The following CNTN1 variants were observed in gnomAD, a reference collection of about 807,000 sequenced individuals.
CNTN1 encodes the protein contactin-1.
In CNTN1, 38 loss-of-function variants were observed where a neutral mutation model predicts 126.4. The observed-to-expected ratio is 0.30, with a 90% CI of 0.23 to 0.39. The LOEUF (loss-of-function observed/expected upper bound fraction) is 0.39, where lower values mean the gene tolerates loss of function less well. Among genes scored for constraint, CNTN1 ranks in the 10% least tolerant of loss-of-function variants. The pLI is 1.00. For missense variants in CNTN1, 1,009 were observed against 1,248.4 expected (o/e 0.81, Z 2.89); for synonymous variants, 413 against 422.6 (o/e 0.98, Z 0.28).
intron 1 of CNTN1, among the ~76,000 whole-genome samples, chr12:40,765,261 A>G (rs1939033995): frequency 6.6e-6 from 1 of 152,096 alleles, no homozygotes; most frequent in African/African-American, 2.4e-5. Flanking sequence ...CTGAGAGGAA[A>G]ACTCAGAAAG....
At chr12:40,845,161 C>T (rs1592150514) in intron 1 of CNTN1, among the ~76,000 whole-genome samples, 1 of 152,094 alleles carries the variant, frequency 6.6e-6, no homozygotes, top group South Asian at 2.1e-4. Flanking sequence ...GCTGAAAATG[C>T]TTCGGTTATA....
intron 1 of CNTN1, among the ~76,000 whole-genome samples, chr12:40,881,480 A>G (rs1400099011): frequency 1.3e-5 from 2 of 151,830 alleles, no homozygotes; most frequent in African/African-American, 4.8e-5. Context: ...AACTTTTGCA[A>G]GTTACAGCAC....
At chr12:41,047,257 T>G (rs1169783970) in intron 23 of CNTN1, among the ~76,000 whole-genome samples, 3 of 152,164 alleles carry the variant, frequency 2.0e-5, no homozygotes, top group Non-Finnish European at 4.4e-5. Flanking sequence ...GTGCCCATTT[T>G]CTGACATCTC....
intron 17 of CNTN1, among the ~76,000 whole-genome samples, chr12:41,006,824 A>G (rs541215892): frequency 6.6e-6 from 1 of 152,274 alleles, no homozygotes; most frequent in East Asian, 1.9e-4. Context: ...TCCTCTATAG[A>G]AACATGGACT....
chr12:40,723,579 C>G (rs1309876961), intron 1 of CNTN1, among the ~76,000 whole-genome samples: 1 of 152,158 alleles, frequency 6.6e-6, no homozygotes, highest in African/African-American at 2.4e-5. Flanking sequence ...TTATGAAACA[C>G]TTGATGTGTT....
intron 23 of CNTN1, among the ~76,000 whole-genome samples, chr12:41,044,479 C>T (rs552336648): frequency 3.9e-4 from 59 of 152,210 alleles, no homozygotes; most frequent in African/African-American, 1.4e-3. Context: ...GATTGGTTTA[C>T]ATCATTAATG....
At position 40,930,010 on chromosome 12, in the gene CNTN1, T is replaced by C; in HGVS notation, c.703+8T>C. 1 of 1,595,434 alleles carries C rather than the reference T, an allele frequency of 6.3e-7. No individual in the cohort carries two copies. The highest frequency in any genetic ancestry group is 8.6e-7 in the Non-Finnish European group (1 of 1,163,290). ...TCATTCCAATACCTGAACGTAAGTA[T>C]TTTATTTGTTACACTCTGTTTTCGC... On this transcript the variant is annotated splice_region_variant and intron_variant, in intron 7 of 23. Coordinates refer to ENST00000551295, the MANE Select transcript of CNTN1 (RefSeq NM_001843.4).
chr12:40,773,696 C>CAT (rs369635772), intron 1 of CNTN1, among the ~76,000 whole-genome samples: 555 of 19,680 alleles, frequency 0.028, 6 homozygotes, highest in African/African-American at 0.042. Flanking sequence ...TATATATACA[C>CAT]ATATATATAT....
In CNTN1 at chr12:40,854,460, G is replaced by A. The variant is rs186949183; in HGVS notation, c.-76-53897G>A. Reference sequence around the variant, plus strand: ...TCATATTTCTAGATTTAAAAGTTTGGTCATGGTTTTTTAAAGATGTGAATT... The same window carrying A: ...TCATATTTCTAGATTTAAAAGTTTGATCATGGTTTTTTAAAGATGTGAATT... On this transcript the variant is annotated intron_variant, in intron 1 of 23. Coordinates refer to ENST00000551295, the MANE Select transcript of CNTN1 (RefSeq NM_001843.4). Among the ~76,000 whole-genome samples the A allele has an allele frequency of 3.2e-3, 482 of 152,060 alleles. 3 individuals carry two copies. The highest frequency in any genetic ancestry group is 7.6e-3 in the African/African-American group (315 of 41,478).
intron 1 of CNTN1, among the ~76,000 whole-genome samples, chr12:40,870,426 G>A (rs1943446371): frequency 1.3e-5 from 2 of 152,016 alleles, no homozygotes; most frequent in Admixed American, 1.3e-4. Flanking sequence ...TATATGTATA[G>A]TTTAATTTGC....
intron 15 of CNTN1, chr12:40,972,807 G>C (rs966543835): frequency 4.6e-6 from 1 of 216,692 alleles, no homozygotes. Flanking sequence ...ATCGTATTAA[G>C]GGCATCTTTC....
chr12:40,809,135 G>A (rs1940961355), intron 1 of CNTN1, among the ~76,000 whole-genome samples: 1 of 152,070 alleles, frequency 6.6e-6, no homozygotes, highest in Non-Finnish European at 1.5e-5. Context: ...GTAACACTTT[G>A]TTCAGAAAGA....
intron 1 of CNTN1, among the ~76,000 whole-genome samples, chr12:40,847,920 A>G (rs181568660): frequency 6.6e-6 from 1 of 152,352 alleles, no homozygotes; most frequent in East Asian, 1.9e-4. Context: ...TAAGAAGCGC[A>G]CAATCTAGAT....
At chr12:41,053,426 TAA>T (rs1491225804) in intron 23 of CNTN1, among the ~76,000 whole-genome samples, 3 of 78,712 alleles carry the variant, frequency 3.8e-5, no homozygotes, top group African/African-American at 1.5e-4. Flanking sequence ...ATGTTTTCAC[TAA>T]ATATATATAT....
At position 40,933,863 on chromosome 12, in the gene CNTN1, A is replaced by G. The variant is rs1277877316; in HGVS notation, c.970A>G (p.Arg324Gly). 6.2e-7 allele frequency: 1 copy of G among 1,611,204 alleles called. No homozygotes were observed. Among genetic ancestry groups the G allele is most frequent in the Non-Finnish European group, 8.5e-7 (1 of 1,177,900 alleles). The stretch of plus-strand genomic sequence containing the variant: ...TAGAGGAAAGGATAAACATCAAGCA[A>G]GAATTTATGTTCAAGGTAGATACAT... Reference protein sequence around the residue: ...NIRGKDKHQARIYVQAFPEWV... With the variant: ...NIRGKDKHQAGIYVQAFPEWV... The change falls in exon 9 of 24, where the codon AGA becomes GGA. Residue 324 changes from arginine to glycine, a missense_variant. By Grantham distance (125) the Arg-to-Gly change is moderately radical. Transcript: ENST00000551295.
chr12:41,044,201 G>C (rs887310623), intron 23 of CNTN1, among the ~76,000 whole-genome samples: 3 of 151,568 alleles, frequency 2.0e-5, no homozygotes, highest in African/African-American at 7.3e-5. Context: ...AAAGAGTAAT[G>C]GAAATTTACA....
At chr12:40,909,714 C>T (rs1159085981) in intron 2 of CNTN1, among the ~76,000 whole-genome samples, 1 of 151,278 alleles carries the variant, frequency 6.6e-6, no homozygotes, top group Non-Finnish European at 1.5e-5. Flanking sequence ...CACACACCCA[C>T]ATACATAGAT....
intron 6 of CNTN1, among the ~76,000 whole-genome samples, chr12:40,926,171 G>GGATAGAT (rs1555182037): frequency 1.5e-5 from 2 of 137,512 alleles, no homozygotes; most frequent in Non-Finnish European, 3.1e-5. Flanking sequence ...TGCTAAATAA[G>GGATAGAT]GATAGATAGA....
At chr12:40,994,248 T>C (rs1206013687) in intron 17 of CNTN1, among the ~76,000 whole-genome samples, 1 of 152,104 alleles carries the variant, frequency 6.6e-6, no homozygotes, top group Non-Finnish European at 1.5e-5. Context: ...GTATCCTTTC[T>C]CTCTGACGAT....
Sources: gnomAD v4.1 joint callset for allele counts (sites outside exome capture counted in the v4.1 genomes callset) on GRCh38, gnomAD v4.1.1 for gene constraint, MANE v1.5 for transcripts, NCBI Gene and HGNC (gene_info 2026-07-23, HGNC 2026-07-21) for gene names.